MIPOL1: variants seen among roughly 807,000 people sequenced by gnomAD.
MIPOL1 encodes mirror-image polydactyly gene 1 protein.
Under a neutral mutation model 60.9 loss-of-function variants are expected in MIPOL1, and 57 were observed. The observed-to-expected ratio is 0.94, with a 90% CI of 0.76 to 1.17. The LOEUF is 1.17. MIPOL1 is among the 50% of genes most tolerant of loss of function. The pLI is 0.00. For missense variants in MIPOL1, 551 were observed against 511.6 expected (o/e 1.08, Z -0.74); for synonymous variants, 179 against 168.8 (o/e 1.06, Z -0.47).
intron 6 of MIPOL1, among the ~76,000 whole-genome samples, chr14:37,275,320 A>G (rs1256803573): frequency 1.3e-5 from 2 of 151,214 alleles, no homozygotes; most frequent in South Asian, 2.1e-4. Context: ...TTCAAATACT[A>G]GGGGATGTTT....
intron 10 of MIPOL1, among the ~76,000 whole-genome samples, chr14:37,383,170 A>T (rs2092971729): frequency 6.6e-6 from 1 of 151,814 alleles, no homozygotes; most frequent in South Asian, 2.1e-4. Flanking sequence ...ATTTCACAAA[A>T]TCATGCAACA....
intron 12 of MIPOL1, chr14:37,505,603 A>G (rs2095268013): frequency 6.6e-6 from 1 of 152,228 alleles, no homozygotes; most frequent in Non-Finnish European, 1.5e-5. Context: ...GATGGAACAT[A>G]TCTCAAAGTA....
chr14:37,262,709 GC>G (rs1281478789), intron 3 of MIPOL1, among the ~76,000 whole-genome samples: 1 of 152,054 alleles, frequency 6.6e-6, no homozygotes, highest in Non-Finnish European at 1.5e-5. Context: ...GAATGTATTT[GC>G]CCCTAATACT....
intron 10 of MIPOL1, among the ~76,000 whole-genome samples, chr14:37,374,729 T>G (rs1358515943): frequency 6.6e-6 from 1 of 152,206 alleles, no homozygotes; most frequent in Non-Finnish European, 1.5e-5. Flanking sequence ...GCCTCTGTTC[T>G]GTTTCATTGG....
intron 1 of MIPOL1, among the ~76,000 whole-genome samples, chr14:37,215,682 G>C (rs1967527184): frequency 6.6e-6 from 1 of 152,132 alleles, no homozygotes; most frequent in Non-Finnish European, 1.5e-5. Flanking sequence ...CCAGTCAGAA[G>C]ACATAGCATG....
At position 37,251,268 on chromosome 14, in the gene MIPOL1, A is replaced by G. The variant is rs11851638; in HGVS notation, c.19+3361A>G. 3.9e-3 allele frequency among the ~76,000 whole-genome samples: 593 copies of G among 151,944 alleles called. 4 individuals carry two copies. The highest frequency in any genetic ancestry group is 0.014 in the African/African-American group (565 of 41,454). The stretch of plus-strand genomic sequence containing the variant: ...TTTGTAGGGGTTGGGGGGTCTCACT[A>G]TGTTGTCCAGGCTGTTCCCAAACTC... On this transcript the variant is annotated intron_variant, in intron 3 of 12. Coordinates refer to ENST00000684589, the MANE Select transcript of MIPOL1 (RefSeq NM_001388067.1).
At chr14:37,448,679 G>C (rs1011977783) in intron 11 of MIPOL1, among the ~76,000 whole-genome samples, 3 of 152,132 alleles carry the variant, frequency 2.0e-5, no homozygotes, top group African/African-American at 7.2e-5. Context: ...CTGTGCTGTT[G>C]TCTTTTAAAA....
At chr14:37,525,004 C>T (rs576098278) in intron 12 of MIPOL1, among the ~76,000 whole-genome samples, 11 of 151,990 alleles carry the variant, frequency 7.2e-5, no homozygotes, top group South Asian at 2.1e-4. Context: ...AATATTTTGG[C>T]GAAATAAGAA....
intron 11 of MIPOL1, among the ~76,000 whole-genome samples, chr14:37,494,546 T>C (rs2095090535): frequency 6.6e-6 from 1 of 151,790 alleles, no homozygotes; most frequent in South Asian, 2.1e-4. Flanking sequence ...AGGAAGGAGG[T>C]AGAGAGGTCA....
intron 9 of MIPOL1, among the ~76,000 whole-genome samples, chr14:37,310,807 T>G (rs2087253093): frequency 6.6e-6 from 1 of 152,144 alleles, no homozygotes; most frequent in Admixed American, 6.5e-5. Context: ...CGATCCTGTA[T>G]TCTAGTGTGT....
chr14:37,238,169 A>C (rs1004655998), intron 1 of MIPOL1, among the ~76,000 whole-genome samples: 1 of 152,192 alleles, frequency 6.6e-6, no homozygotes, highest in African/African-American at 2.4e-5. Context: ...ACAAGAAAGT[A>C]AATGCTGTAT....
At chr14:37,356,992 T>G (rs977860783) in intron 9 of MIPOL1, among the ~76,000 whole-genome samples, 1 of 152,202 alleles carries the variant, frequency 6.6e-6, no homozygotes, top group African/African-American at 2.4e-5. Context: ...GTGCCACATT[T>G]TCTTTATCCA....
At chr14:37,314,553 G>A (rs951621606) in intron 9 of MIPOL1, among the ~76,000 whole-genome samples, 2 of 152,058 alleles carry the variant, frequency 1.3e-5, no homozygotes, top group African/African-American at 4.8e-5. Context: ...CTCTCTGCTT[G>A]TTGCTCACTT....
chr14:37,343,311 A>G (rs2090714929), intron 9 of MIPOL1, among the ~76,000 whole-genome samples: 2 of 152,134 alleles, frequency 1.3e-5, no homozygotes, highest in Non-Finnish European at 2.9e-5. Context: ...TCTTTATTCC[A>G]AGTTATTGTA....
intron 11 of MIPOL1, among the ~76,000 whole-genome samples, chr14:37,444,456 T>G (rs1253367251): frequency 1.3e-5 from 2 of 152,206 alleles, no homozygotes; most frequent in South Asian, 2.1e-4. Context: ...TCTCTCCAAA[T>G]TGATCTGCAG....
At chr14:37,205,893 A>G (rs1216184964) in intron 1 of MIPOL1, among the ~76,000 whole-genome samples, 1 of 152,156 alleles carries the variant, frequency 6.6e-6, no homozygotes, top group Non-Finnish European at 1.5e-5. Context: ...GTTGATTCCA[A>G]GTCTTTGCTG....
chr14:37,366,390 T>C (rs1168252438), intron 9 of MIPOL1, among the ~76,000 whole-genome samples: 1 of 152,062 alleles, frequency 6.6e-6, no homozygotes, highest in Non-Finnish European at 1.5e-5. Flanking sequence ...GTTTTCTTCT[T>C]AATTTCTTCA....
chr14:37,361,610 CTTTTTTTTTTTT>C lies in MIPOL1; in HGVS notation c.829-7891_829-7880del, dbSNP rs71127213. ...GCCTTTTTTGTTTCTCCCTCTCTCT[CTTTTTTTTTTTT>C]TTTTTTTTTTTTTTTGCCTCTCTCG... On this transcript the variant is annotated intron_variant, in intron 9 of 12. Coordinates refer to ENST00000684589, the MANE Select transcript of MIPOL1 (RefSeq NM_001388067.1). Among the ~76,000 whole-genome samples the C allele has an allele frequency of 4.7e-4, 39 of 82,580 alleles. 1 individual carries two copies. Among genetic ancestry groups the C allele is most frequent in the East Asian group, 1.6e-3 (4 of 2,534 alleles). The allele number at this position is 82,580 out of a possible 152,430, so 54.2% of individuals were successfully genotyped here.
chr14:37,340,563 A>G (rs1433465516), intron 9 of MIPOL1, among the ~76,000 whole-genome samples: 1 of 151,836 alleles, frequency 6.6e-6, no homozygotes, highest in Non-Finnish European at 1.5e-5. Context: ...TGCAGAAATT[A>G]GTTGGATGTG....
Sources: gnomAD v4.1 joint callset for allele counts (sites outside exome capture counted in the v4.1 genomes callset) on GRCh38, gnomAD v4.1.1 for gene constraint, MANE v1.5 for transcripts, NCBI Gene and HGNC (gene_info 2026-07-23, HGNC 2026-07-21) for gene names.